Variants in SCARB1 observed in about 807,000 individuals in gnomAD.
SCARB1 encodes the protein scavenger receptor class B member 1, also known as CD36 and LIMPII analogous 1.
SCARB1 carries 30 observed loss-of-function variants against 57.2 expected under a neutral mutation model. The observed-to-expected ratio is 0.52, with a 90% CI of 0.39 to 0.71. The LOEUF is 0.71. SCARB1 is among the 30% of genes least tolerant of loss of function. The probability of loss-of-function intolerance (pLI) is 0.00; values close to 1 mark genes in which losing one functional copy is unlikely to be tolerated. For missense variants in SCARB1, 543 were observed against 671.2 expected, an observed-to-expected ratio of 0.81 and a Z score of 2.11; for synonymous variants, 249 against 268.3, an observed-to-expected ratio of 0.93 and a Z score of 0.70.
At chr12:124,794,800 C>T (rs1304440837) in intron 9 of SCARB1, among the ~76,000 whole-genome samples, 2 of 152,096 alleles carry the variant, frequency 1.3e-5, no homozygotes, top group African/African-American at 2.4e-5. Flanking sequence ...CGTGGTGGCA[C>T]ATGCCTGTAA....
In SCARB1 at chr12:124,837,559, A is replaced by AAAG. The variant is rs1163601226; in HGVS notation, c.127-19853_127-19852insCTT. On this transcript the variant is annotated intron_variant, in intron 1 of 12. Transcript: ENST00000261693. The stretch of plus-strand genomic sequence containing the variant: ...GAAAGAAAAGAAAAGAAAAGAAAAG[A>AAAG]AAAGAAAAGAAAAGAAAAGAAAAGA... 1.7e-3 allele frequency among the ~76,000 whole-genome samples: 66 copies of AAAG among 39,156 alleles called. 3 individuals carry two copies. Among genetic ancestry groups the AAAG allele is most frequent in the African/African-American group, 3.9e-3 (64 of 16,600 alleles). 25.7% of individuals were successfully genotyped at this position (39,156 alleles called of 152,430 possible).
At chr12:124,826,472 A>C (rs1951168271) in intron 1 of SCARB1, among the ~76,000 whole-genome samples, 1 of 151,924 alleles carries the variant, frequency 6.6e-6, no homozygotes, top group South Asian at 2.1e-4. Flanking sequence ...TTTATTATTT[A>C]TTTATTTTGA....
At position 124,810,166 on chromosome 12, in the gene SCARB1, G is replaced by C. The variant is rs774310843; in HGVS notation, c.842+8C>G. On this transcript the variant is annotated splice_region_variant and intron_variant, in intron 6 of 12. Coordinates refer to ENST00000261693, the MANE Select transcript of SCARB1 (RefSeq NM_005505.5). The surrounding 1 kb of genome is among the most constrained non-coding windows in gnomAD (Gnocchi z 4.0). ...GAAACCCAGGAGGCCCCGAGTCCCA[G>C]TGATTACCGGCAGGCCTCCGGGCTG... 3.1e-6 allele frequency: 5 copies of C among 1,598,106 alleles called. No individual in the cohort carries two copies. The highest frequency in any genetic ancestry group is 1.3e-5 in the African/African-American group (1 of 74,756).
chr12:124,784,036 A>T (rs923612661), intron 11 of SCARB1: 1 of 152,142 alleles, frequency 6.6e-6, no homozygotes, highest in Non-Finnish European at 1.5e-5. Context: ...CCCTGTCCCC[A>T]TTCTGGTGGA....
intron 12 of SCARB1, among the ~76,000 whole-genome samples, chr12:124,781,545 G>T (rs572016561): frequency 6.6e-6 from 1 of 152,140 alleles, no homozygotes; most frequent in African/African-American, 2.4e-5. Context: ...AGCCCTACAG[G>T]AACCTGGCCA....
chr12:124,809,197 G>A (rs1950435464), intron 6 of SCARB1, among the ~76,000 whole-genome samples: 2 of 152,278 alleles, frequency 1.3e-5, no homozygotes, highest in East Asian at 3.9e-4. Context: ...GAGAAGAGGG[G>A]GTGGGGGGCT....
intron 1 of SCARB1, among the ~76,000 whole-genome samples, chr12:124,845,183 C>G (rs1952091255): frequency 6.6e-6 from 1 of 152,130 alleles, no homozygotes; most frequent in African/African-American, 2.4e-5. Flanking sequence ...CGAACATGCG[C>G]GCTCCCAGCA....
At position 124,814,140 on chromosome 12, in the gene SCARB1, CT is replaced by C. The variant is rs1433704235; in HGVS notation, c.630+61del. On this transcript the variant is annotated intron_variant, in intron 4 of 12. Coordinates refer to ENST00000261693, the MANE Select transcript of SCARB1 (RefSeq NM_005505.5). The surrounding 1 kb of genome is among the most constrained non-coding windows in gnomAD (Gnocchi z 4.7). ...AGCAAGCTGGTGACCAGTGTCCAGGCTGTGTGAGGGGAAGACAGGACACAGG... is the reference window on the plus strand; with the variant it reads ...AGCAAGCTGGTGACCAGTGTCCAGGCGTGTGAGGGGAAGACAGGACACAGG... 6 of 1,488,882 alleles carry C rather than the reference CT, an allele frequency of 4.0e-6. No homozygotes were observed. In the Admixed American group the frequency reaches 1.0e-4, roughly 25 times the overall value. The allele number at this position is 1,488,882 out of a possible 1,614,324, so 92.2% of individuals were successfully genotyped here.
At position 124,863,670 on chromosome 12, in the gene SCARB1, C is replaced by G. The variant is rs565337334; in HGVS notation, c.51G>C (p.Ala17=). 49 of 1,571,934 alleles carry G rather than the reference C, an allele frequency of 3.1e-5. No individual in the cohort carries two copies. The Middle Eastern group carries it at 6.7e-4, about 22-fold the overall frequency. Residue 17 remains alanine (A), a synonymous_variant, in exon 1 of 13, where the codon GCG becomes GCC. Transcript: ENST00000261693. The part of the protein sequence containing the change: ...ARWAAGALGV[A]GLLCAVLGAV... The stretch of plus-strand genomic sequence containing the variant: ...CGCCCAGCACAGCGCACAGTAGCCC[C>G]GCGACGCCCAGCGCCCCGGCAGCCC...
rs1949637732 is a variant in SCARB1 at position 124,789,304 on chromosome 12, G to A, written c.1203-1847C>T. On this transcript the variant is annotated intron_variant, in intron 9 of 12. Transcript: ENST00000261693. The surrounding 1 kb of genome is among the most constrained non-coding windows in gnomAD (Gnocchi z 4.4). ...GAAAAGCACCAGACCAATCCCAGTA[G>A]AGGGTCATCCTACAAAATACCTGAC... 6.6e-6 allele frequency among the ~76,000 whole-genome samples: 1 copy of A among 152,146 alleles called. No individual in the cohort carries two copies. Among genetic ancestry groups the A allele is most frequent in the Non-Finnish European group, 1.5e-5 (1 of 68,024 alleles).
intron 1 of SCARB1, among the ~76,000 whole-genome samples, chr12:124,819,083 C>A (rs113327064): frequency 6.6e-6 from 1 of 151,086 alleles, no homozygotes; most frequent in Non-Finnish European, 1.5e-5. Context: ...GCTGTAATGG[C>A]GCCATTTGTA....
chr12:124,846,533 G>A (rs1015434033), intron 1 of SCARB1, among the ~76,000 whole-genome samples: 1 of 152,000 alleles, frequency 6.6e-6, no homozygotes, highest in African/African-American at 2.4e-5. Flanking sequence ...GGCGGATCAT[G>A]AGGTCAAGAG....
At chr12:124,791,308 A>G (rs1949720778) in intron 9 of SCARB1, among the ~76,000 whole-genome samples, 1 of 152,140 alleles carries the variant, frequency 6.6e-6, no homozygotes, top group Non-Finnish European at 1.5e-5. Context: ...GAGGCTTCCC[A>G]GCAAATCGTC....
At chr12:124,793,206 C>G (rs1458145245) in intron 9 of SCARB1, among the ~76,000 whole-genome samples, 2 of 152,178 alleles carry the variant, frequency 1.3e-5, no homozygotes, top group Non-Finnish European at 2.9e-5. Flanking sequence ...TGAATAGATG[C>G]TCACATTCCT....
chr12:124,778,873 G>T (rs1470191536), intron 12 of SCARB1, among the ~76,000 whole-genome samples: 1 of 152,218 alleles, frequency 6.6e-6, no homozygotes. Context: ...AAGGGGGGCG[G>T]CCTGTGTGCA....
chr12:124,787,518 T>C, intron 9 of SCARB1, 61 bp from the exon 10 acceptor site: 1 of 1,433,294 alleles, frequency 7.0e-7, no homozygotes, highest in Non-Finnish European at 9.8e-7. Context: ...TTGATCTAAT[T>C]CTGCTTGAAT....
At chr12:124,861,069 CT>C (rs1375261008) in intron 1 of SCARB1, among the ~76,000 whole-genome samples, 3 of 152,062 alleles carry the variant, frequency 2.0e-5, no homozygotes, top group Non-Finnish European at 4.4e-5. Flanking sequence ...AACTTTCTCT[CT>C]TTTCCTCCAT....
intron 9 of SCARB1, among the ~76,000 whole-genome samples, chr12:124,794,279 T>G (rs1326140818): frequency 6.6e-6 from 1 of 151,820 alleles, no homozygotes; most frequent in African/African-American, 2.4e-5. Context: ...ATTAGGGGGG[T>G]TATTTTTTTT....
At chr12:124,836,804 GAAATAAAATA>G (rs540708941) in intron 1 of SCARB1, among the ~76,000 whole-genome samples, 2 of 152,118 alleles carry the variant, frequency 1.3e-5, no homozygotes, top group Non-Finnish European at 2.9e-5. Context: ...AAAATAAAAT[GAAATAAAATA>G]AAATAGAATA....
Sources: gnomAD v4.1 joint callset for allele counts (sites outside exome capture counted in the v4.1 genomes callset) on GRCh38, gnomAD v4.1.1 for gene constraint, Gnocchi (gnomAD v3.1) non-coding constraint, MANE v1.5 for transcripts, NCBI Gene and HGNC (gene_info 2026-07-23, HGNC 2026-07-21) for gene names.